Variants in FOXP1 observed in about 807,000 individuals in gnomAD.
FOXP1 encodes forkhead box P1, also known as forkhead box protein P1.
FOXP1 carries 15 observed loss-of-function variants against 98.2 expected under a neutral mutation model. The observed-to-expected ratio is 0.15, with a 90% confidence interval of 0.10 to 0.24. The LOEUF is 0.24. Among genes scored for constraint, FOXP1 ranks in the 10% least tolerant of loss-of-function variants. The pLI, the probability that FOXP1 is intolerant of heterozygous loss-of-function variation, is 1.00. For missense variants in FOXP1, 633 were observed against 848.5 expected, an observed-to-expected ratio of 0.75 and a Z score of 3.15; for synonymous variants, 371 against 314.5, an observed-to-expected ratio of 1.18 and a Z score of -1.90.
chr3:70,969,191 T>A (rs2035640513), intron 19 of FOXP1: 1 of 151,986 alleles, frequency 6.6e-6, no homozygotes, highest in Non-Finnish European at 1.5e-5. Flanking sequence ...TATTCCATAT[T>A]CCAGATAGAG....
rs1553883022 is a variant in FOXP1 at position 71,434,665 on chromosome 3, T to TGC, written c.-168+58760_-168+58761insGC. On this transcript the variant is annotated intron_variant, in intron 3 of 20. Coordinates refer to ENST00000649528, the MANE Select transcript of FOXP1 (RefSeq NM_001349338.3). The stretch of plus-strand genomic sequence containing the variant: ...GTGTGTGTGTGTGTGTGTGTGTGTG[T>TGC]AAGGAAGGGGATGGAGGGAGGTGAG... Among the ~76,000 whole-genome samples, 34 of 149,548 alleles carry TGC rather than the reference T, an allele frequency of 2.3e-4. No homozygotes were observed. In the East Asian group the frequency reaches 6.4e-3, roughly 28 times the overall value.
rs139205820 is a variant in FOXP1 at position 71,008,077 on chromosome 3, T to C, written c.975-7018A>G. On this transcript the variant is annotated intron_variant, in intron 12 of 20. Transcript: ENST00000649528. ...TAAGCAAGGATACAAATGATACTTT[T>C]AGTAGACGTTATACAAGTGGTCACT... Among the ~76,000 whole-genome samples, 7 of 152,320 alleles carry C rather than the reference T, an allele frequency of 4.6e-5. No homozygotes were observed. In the East Asian group the frequency reaches 1.2e-3, roughly 25 times the overall value.
intron 2 of FOXP1, among the ~76,000 whole-genome samples, chr3:71,495,016 T>C (rs1026883261): frequency 5.9e-5 from 9 of 152,252 alleles, no homozygotes; most frequent in Admixed American, 2.0e-4. Flanking sequence ...TTTCTTTCCA[T>C]GGCCTGAGGG....
At chr3:71,124,872 CA>C (rs999330422) in intron 6 of FOXP1, among the ~76,000 whole-genome samples, 1 of 152,192 alleles carries the variant, frequency 6.6e-6, no homozygotes, top group African/African-American at 2.4e-5. Flanking sequence ...GATCTCAAAC[CA>C]TTGGTCGTCC....
At chr3:71,153,688 G>A (rs1463229857) in intron 6 of FOXP1, among the ~76,000 whole-genome samples, 1 of 152,112 alleles carries the variant, frequency 6.6e-6, no homozygotes, top group Non-Finnish European at 1.5e-5. Context: ...TTAACCTAAA[G>A]AGGTGGATTC....
At chr3:71,520,891 G>A (rs1448999336) in intron 2 of FOXP1, among the ~76,000 whole-genome samples, 1 of 152,128 alleles carries the variant, frequency 6.6e-6, no homozygotes, top group Admixed American at 6.5e-5. Flanking sequence ...TGACACCCAC[G>A]CTGAGCAGCA....
At chr3:71,234,854 G>A (rs955825136) in intron 5 of FOXP1, among the ~76,000 whole-genome samples, 2 of 152,184 alleles carry the variant, frequency 1.3e-5, no homozygotes, top group African/African-American at 4.8e-5. Flanking sequence ...TGATACTAAT[G>A]AATCTGCAGC....
chr3:71,077,578 T>C (rs2053928764), intron 7 of FOXP1, among the ~76,000 whole-genome samples: 1 of 152,106 alleles, frequency 6.6e-6, no homozygotes, highest in Non-Finnish European at 1.5e-5. Context: ...GGCACTAAAT[T>C]TGGGGTGTTC....
chr3:71,532,794 C>G (rs569533460), intron 2 of FOXP1, among the ~76,000 whole-genome samples: 2 of 152,008 alleles, frequency 1.3e-5, no homozygotes, highest in African/African-American at 4.8e-5. Context: ...CAGAAAGTGC[C>G]GTAAGCAACA....
At chr3:71,173,860 G>A (rs1171901367) in intron 6 of FOXP1, among the ~76,000 whole-genome samples, 2 of 152,152 alleles carry the variant, frequency 1.3e-5, no homozygotes, top group African/African-American at 2.4e-5. Context: ...ATGGGAGTTG[G>A]GAAACCAACC....
chr3:71,149,065 G>A (rs560722715), intron 6 of FOXP1, among the ~76,000 whole-genome samples: 43 of 152,214 alleles, frequency 2.8e-4, no homozygotes, highest in Non-Finnish European at 5.9e-5. Context: ...TAGTTCTTCT[G>A]CAATTATTAG....
chr3:71,187,133 AG>A (rs2062696281), intron 6 of FOXP1, among the ~76,000 whole-genome samples: 1 of 152,256 alleles, frequency 6.6e-6, no homozygotes, highest in African/African-American at 2.4e-5. Context: ...TACTCAAAGA[AG>A]GTACTGAATG....
intron 17 of FOXP1, among the ~76,000 whole-genome samples, chr3:70,975,546 G>A (rs749307205): frequency 8.5e-5 from 13 of 152,210 alleles, no homozygotes; most frequent in Admixed American, 3.3e-4. Flanking sequence ...GTTTTTCTCC[G>A]GTATAAAATT....
intron 2 of FOXP1, among the ~76,000 whole-genome samples, chr3:71,577,588 A>C (rs917485254): frequency 6.6e-6 from 1 of 152,198 alleles, no homozygotes; most frequent in African/African-American, 2.4e-5. Context: ...GTACCGGAGA[A>C]GAGAAATATG....
At chr3:70,971,043 G>T (rs1313127752) in intron 18 of FOXP1, 1 of 502,686 alleles carries the variant, frequency 2.0e-6, no homozygotes, top group Non-Finnish European at 3.6e-6. Context: ...GGCTTAGGTA[G>T]TAACAGGCTT....
At chr3:71,226,269 G>A (rs1397275282) in intron 5 of FOXP1, among the ~76,000 whole-genome samples, 2 of 152,198 alleles carry the variant, frequency 1.3e-5, no homozygotes, top group Non-Finnish European at 2.9e-5. Context: ...GGCTCTTGAG[G>A]TCTGAAATGG....
intron 20 of FOXP1, among the ~76,000 whole-genome samples, chr3:70,960,229 AAC>A (rs1238728937): frequency 2.0e-5 from 3 of 152,206 alleles, no homozygotes; most frequent in African/African-American, 7.2e-5. Context: ...CCTGCCAGGA[AAC>A]ACAAACGTAG....
rs1400815150 is a variant in FOXP1, at chr3:71,241,062, T to A, written c.-11-42670A>T. Among the ~76,000 whole-genome samples the A allele has an allele frequency of 4.6e-5, 7 of 151,026 alleles. No homozygotes were observed. In the East Asian group the frequency reaches 1.4e-3, roughly 30 times the overall value. ...CATCTCTACTAAAAATACAAAAAATTAGCCGGGCATGGTGGCGGGTGCCTG... is the reference window on the plus strand; with the variant it reads ...CATCTCTACTAAAAATACAAAAAATAAGCCGGGCATGGTGGCGGGTGCCTG... On this transcript the variant is annotated intron_variant, in intron 5 of 20. Coordinates refer to ENST00000649528, the MANE Select transcript of FOXP1 (RefSeq NM_001349338.3).
At chr3:71,559,869 G>T (rs1289808560) in intron 2 of FOXP1, among the ~76,000 whole-genome samples, 1 of 151,836 alleles carries the variant, frequency 6.6e-6, no homozygotes, top group Non-Finnish European at 1.5e-5. Flanking sequence ...GGTTGCGGGG[G>T]GGACCTACTA....
Sources: allele counts gnomAD v4.1 joint callset (sites outside exome capture counted in the v4.1 genomes callset), GRCh38; gene constraint gnomAD v4.1.1; transcripts MANE v1.5; gene names NCBI Gene and HGNC (gene_info 2026-07-23, HGNC 2026-07-21).